MAMLD1: variants seen among roughly 807,000 people sequenced by gnomAD.
MAMLD1 encodes the protein mastermind-like domain-containing protein 1.
In MAMLD1, 14 loss-of-function variants were observed where a neutral mutation model predicts 45.0. The ratio of observed to expected loss-of-function variants is 0.31; its 90% CI spans 0.21 to 0.49. MAMLD1 has a LOEUF of 0.49. Among genes scored for constraint, MAMLD1 ranks in the 20% least tolerant of loss-of-function variants. The pLI is 0.99. For missense variants in MAMLD1, 543 were observed against 603.6 expected (o/e 0.90, Z 1.05); for synonymous variants, 254 against 247.8 (o/e 1.02, Z -0.24).
At chrX:150,417,453 A>G (rs1210608691) in intron 1 of MAMLD1, among the ~76,000 whole-genome samples, 6 of 108,004 alleles carry the variant, frequency 5.6e-5, no homozygotes, top group Non-Finnish European at 7.6e-5. Flanking sequence ...TATTGTGAAT[A>G]GTGCCGCAAT....
At chrX:150,398,326 GA>G (rs1569564604) in intron 1 of MAMLD1, among the ~76,000 whole-genome samples, 150 of 87,797 alleles carry the variant, frequency 1.7e-3, no homozygotes, top group African/African-American at 2.8e-3. Flanking sequence ...AGAAGAAGAA[GA>G]AGAAGAAGAA....
At chrX:150,375,583 TAGAA>T (rs2032273134) in intron 1 of MAMLD1, among the ~76,000 whole-genome samples, 1 of 112,670 alleles carries the variant, frequency 8.9e-6, no homozygotes, top group South Asian at 3.6e-4. Context: ...CCCTCTCCTT[TAGAA>T]AGAGAGAACT....
chrX:150,498,593 G>T (rs1862462243), intron 5 of MAMLD1, among the ~76,000 whole-genome samples: 1 of 112,289 alleles, frequency 8.9e-6, no homozygotes, highest in South Asian at 3.7e-4. Flanking sequence ...CAAGAATTCA[G>T]TTCTTCATTT....
At chrX:150,422,958 G>A (rs143493702) in intron 1 of MAMLD1, among the ~76,000 whole-genome samples, 1,842 of 111,701 alleles carry the variant, frequency 0.016, 13 homozygotes, top group Non-Finnish European at 0.023. Flanking sequence ...TGCACCATGG[G>A]AGGGGAGGAG....
At position 150,460,504 on chromosome X, in the gene MAMLD1, G is replaced by C. The variant is rs139508161; in HGVS notation, c.97-2268G>C. On this transcript the variant is annotated intron_variant, in intron 2 of 7. Transcript: ENST00000370401. The stretch of plus-strand genomic sequence containing the variant: ...TCTTTAAAGTCTGAGGGACAGTGGA[G>C]AGGCAGGTCCCAAGGAGTGCTAATG... Among the ~76,000 whole-genome samples, 894 of 112,148 alleles carry C rather than the reference G, an allele frequency of 8.0e-3. 6 individuals are homozygous for C. The highest frequency in any genetic ancestry group is 0.028 in the African/African-American group (855 of 30,869).
At chrX:150,382,799 A>G (rs1286117214) in intron 1 of MAMLD1, among the ~76,000 whole-genome samples, 1 of 110,723 alleles carries the variant, frequency 9.0e-6, no homozygotes, top group Non-Finnish European at 1.9e-5. Context: ...ATGTATTCAT[A>G]CTTGTTGATG....
At position 150,469,977 on chromosome X, in the gene MAMLD1, C is replaced by G; in HGVS notation, c.404C>G (p.Pro135Arg). 1 of 1,211,691 alleles carries G rather than the reference C, an allele frequency of 8.3e-7. No individual in the cohort carries two copies. Among genetic ancestry groups the G allele is most frequent in the Non-Finnish European group, 1.1e-6 (1 of 895,523 alleles). ...AGQSLLLENN[P>R]MNGNIMGSPF... is the part of the protein sequence containing the mutation. Reference sequence around the variant, plus strand: ...CAGTCATTACTGCTGGAGAATAACCCTATGAATGGCAACATCATGGGCTCA... The same window carrying G: ...CAGTCATTACTGCTGGAGAATAACCGTATGAATGGCAACATCATGGGCTCA... The change falls in exon 4 of 8, where the codon CCT (proline) becomes CGT (arginine). Residue 135 changes from proline to arginine, a missense_variant. Physicochemically the swap from Pro to Arg is moderately radical, Grantham distance 103 (BLOSUM62 -2). Coordinates refer to ENST00000370401, the MANE Select transcript of MAMLD1 (RefSeq NM_005491.5).
In MAMLD1 at chrX:150,512,640, T is replaced by G. The variant is rs1557409248; in HGVS notation, c.*681T>G. 8.7e-7 allele frequency: 1 copy of G among 1,147,945 alleles called. No homozygotes were observed. Among genetic ancestry groups the G allele is most frequent in the African/African-American group, 1.8e-5 (1 of 55,682 alleles). 94.6% of individuals were successfully genotyped at this position (1,147,945 alleles called of 1,213,427 possible). ...AGCCAGAGCCTCAGGCAGAGCCCGG[T>G]ACAGGGCCCGGTGCCTGTAGCAAAC... On this transcript the variant is annotated 3_prime_UTR_variant, in exon 8 of 8. Transcript: ENST00000370401.
intron 5 of MAMLD1, among the ~76,000 whole-genome samples, chrX:150,474,826 C>T (rs1384164007): frequency 5.4e-5 from 6 of 112,051 alleles, no homozygotes; most frequent in Admixed American, 4.7e-4. Context: ...TGGTATTCTT[C>T]CAGGCCTCCA....
chrX:150,480,086 A>T (rs1358334388), intron 5 of MAMLD1, among the ~76,000 whole-genome samples: 1 of 111,121 alleles, frequency 9.0e-6, no homozygotes, highest in Admixed American at 9.5e-5. Context: ...CCAGCTTCTG[A>T]CTCTCAGATC....
chrX:150,394,717 T>C (rs960960462), intron 1 of MAMLD1, among the ~76,000 whole-genome samples: 46 of 111,315 alleles, frequency 4.1e-4, no homozygotes, highest in Non-Finnish European at 7.0e-4. Context: ...AGTAATATGG[T>C]TTTTTTTAAT....
chrX:150,483,091 G>A (rs994577346), intron 5 of MAMLD1, among the ~76,000 whole-genome samples: 1 of 112,262 alleles, frequency 8.9e-6, no homozygotes, highest in African/African-American at 3.2e-5. Flanking sequence ...CCTTGGAATA[G>A]AGTTCTGAAA....
At chrX:150,375,352 T>C (rs1198446018) in intron 1 of MAMLD1, among the ~76,000 whole-genome samples, 1 of 112,239 alleles carries the variant, frequency 8.9e-6, no homozygotes. Context: ...CTGGCCCTGA[T>C]GAATGCTCAG....
intron 2 of MAMLD1, among the ~76,000 whole-genome samples, chrX:150,455,373 C>T (rs1347445954): frequency 1.8e-5 from 2 of 111,562 alleles, no homozygotes; most frequent in Admixed American, 9.5e-5. Flanking sequence ...TGTTCAGGAG[C>T]GCAGCCAATG....
At chrX:150,445,233 C>T (rs1454019407) in intron 1 of MAMLD1, among the ~76,000 whole-genome samples, 1 of 111,406 alleles carries the variant, frequency 9.0e-6, no homozygotes, top group Non-Finnish European at 1.9e-5. Flanking sequence ...TTGTTCTTTC[C>T]TCTGGTCAAG....
rs782314229 is a variant in MAMLD1, at chrX:150,470,836, C to T, written c.1263C>T (p.Phe421=). ...CTGCTCTCACTCAACAGCCGCAGTT[C>T]GGCCCTCAGAGCTCCATTCTTGCCA... The part of the protein sequence containing the change: ...PSPALTQQPQ[F]GPQSSILANL... The change falls in exon 4 of 8, where the codon TTC becomes TTT. Residue 421 remains phenylalanine (F), a synonymous_variant. Coordinates refer to ENST00000370401, the MANE Select transcript of MAMLD1 (RefSeq NM_005491.5). 1.2e-5 allele frequency: 15 copies of T among 1,211,957 alleles called. No homozygotes were observed. Among genetic ancestry groups the T allele is most frequent in the East Asian group, 1.2e-4 (4 of 33,833 alleles).
intron 5 of MAMLD1, among the ~76,000 whole-genome samples, chrX:150,481,340 T>C (rs1281379648): frequency 2.7e-5 from 3 of 112,669 alleles, no homozygotes; most frequent in South Asian, 3.6e-4. Context: ...GGATGGTTAT[T>C]ATAAACACAT....
chrX:150,477,775 G>A (rs191176985), intron 5 of MAMLD1, among the ~76,000 whole-genome samples: 1 of 112,065 alleles, frequency 8.9e-6, no homozygotes, highest in East Asian at 2.8e-4. Flanking sequence ...AGTTCCACCT[G>A]CAGCCAGCGT....
At chrX:150,492,898 AG>A (rs2148341016) in intron 5 of MAMLD1, among the ~76,000 whole-genome samples, 1 of 111,659 alleles carries the variant, frequency 9.0e-6, no homozygotes, top group South Asian at 3.8e-4. Flanking sequence ...CAAAAGCGTT[AG>A]GGTGGTAAGG....
Sources: gnomAD v4.1 joint callset for allele counts (sites outside exome capture counted in the v4.1 genomes callset) on GRCh38, gnomAD v4.1.1 for gene constraint, MANE v1.5 for transcripts, NCBI Gene and HGNC (gene_info 2026-07-23, HGNC 2026-07-21) for gene names.